The following SLC36A1 variants were observed in gnomAD, a reference collection of about 807,000 sequenced individuals.
The protein encoded by SLC36A1 is solute carrier family 36 member 1, also known as proton-coupled amino acid transporter 1.
A neutral mutation model predicts 47.5 loss-of-function variants in SLC36A1; 30 were observed. The ratio of observed to expected loss-of-function variants is 0.63; its 90% CI spans 0.47 to 0.86. The LOEUF (loss-of-function observed/expected upper bound fraction) is 0.86. Among genes scored for constraint, SLC36A1 ranks in the 40% least tolerant of loss-of-function variants. The pLI is 0.00. For synonymous variants in SLC36A1, 255 were observed against 249.7 expected (o/e 1.02, Z -0.20); for missense variants, 517 against 606.0 (o/e 0.85, Z 1.54).
chr5:151,534,970 A>AATATATATATATATAT, the SLC36A1 span, among the ~76,000 whole-genome samples: 1,107 of 106,220 alleles, frequency 0.01, 34 homozygotes, highest in African/African-American at 0.026. Flanking sequence ...CTTCTAGGAA[A>AATATATATATATATAT]ATATATATAT....
In SLC36A1 at chr5:151,453,207, A is replaced by G. The variant is rs11950575; in HGVS notation, c.-6+5394A>G. Among the ~76,000 whole-genome samples the G allele has an allele frequency of 3.2e-3, 490 of 151,970 alleles. 4 individuals are homozygous for G. Among genetic ancestry groups the G allele is most frequent in the African/African-American group, 0.012 (477 of 41,382 alleles). The stretch of plus-strand genomic sequence containing the variant: ...CAACAAGAATGAAACTCCATCTCCA[A>G]TAAATAAATTAAAATAAATAAATAA... On this transcript the variant is annotated intron_variant, in intron 1 of 10. Coordinates refer to ENST00000243389, the MANE Select transcript of SLC36A1 (RefSeq NM_078483.4).
chr5:151,404,991 A>G, the SLC36A1 span, among the ~76,000 whole-genome samples: 14 of 152,210 alleles, frequency 9.2e-5, no homozygotes, highest in South Asian at 1.0e-3. Context: ...ATGTTTTCCA[A>G]GTTGCATACT....
chr5:151,379,144 G>A, the SLC36A1 span, among the ~76,000 whole-genome samples: 1 of 152,174 alleles, frequency 6.6e-6, no homozygotes, highest in African/African-American at 2.4e-5. Flanking sequence ...ATGTCCTTAA[G>A]CCTATAGTCT....
At chr5:151,498,156 G>C in the SLC36A1 span, among the ~76,000 whole-genome samples, 1 of 152,012 alleles carries the variant, frequency 6.6e-6, no homozygotes, top group Admixed American at 6.6e-5. Flanking sequence ...TGTTGGCCAG[G>C]CTGGTCTCGA....
At chr5:151,521,371 ACT>A in the SLC36A1 span, 1 of 1,614,072 alleles carries the variant, frequency 6.2e-7, no homozygotes, top group Non-Finnish European at 8.5e-7. Flanking sequence ...GTCCAGATGC[ACT>A]GTGTTATGGC....
chr5:151,503,411 A>G, the SLC36A1 span, among the ~76,000 whole-genome samples: 3 of 148,326 alleles, frequency 2.0e-5, no homozygotes, highest in South Asian at 6.2e-4. Context: ...TGAGAGGCCA[A>G]GTCATATCTG....
At chr5:151,442,863 A>G (rs1001013137), upstream of SLC36A1, among the ~76,000 whole-genome samples, 4 of 152,136 alleles carry the variant, frequency 2.6e-5, no homozygotes, top group African/African-American at 9.7e-5. Context: ...TGACTTGAAA[A>G]AAAAGATTCC....
the SLC36A1 span, among the ~76,000 whole-genome samples, chr5:151,500,954 G>GCGGGGCC: frequency 6.6e-6 from 1 of 152,200 alleles, no homozygotes; most frequent in Non-Finnish European, 1.5e-5. Flanking sequence ...AAAGGAGAAG[G>GCGGGGCC]CGGGGCCTGG....
chr5:151,509,818 G>T, the SLC36A1 span: 4 of 591,340 alleles, frequency 6.8e-6, no homozygotes, highest in South Asian at 2.6e-5. Flanking sequence ...TCTCCTGCCT[G>T]GTCCGTGGAA....
chr5:151,387,022 G>A, the SLC36A1 span: 75,423 of 152,122 alleles, frequency 0.5, 20,730 homozygotes, highest in African/African-American at 0.75. Flanking sequence ...GGGCCTGGTG[G>A]AGGGACAGAA....
At chr5:151,403,178 T>G in the SLC36A1 span, among the ~76,000 whole-genome samples, 1 of 152,222 alleles carries the variant, frequency 6.6e-6, no homozygotes, top group East Asian at 1.9e-4. Context: ...CTGCTTTTGC[T>G]GCACCCCAGA....
At chr5:151,377,598 C>T in the SLC36A1 span, among the ~76,000 whole-genome samples, 1 of 151,874 alleles carries the variant, frequency 6.6e-6, no homozygotes, top group Non-Finnish European at 1.5e-5. Context: ...CCGCCCGTCT[C>T]GGCCTCCCAA....
At chr5:151,479,201 C>T (rs1286400224) in intron 9 of SLC36A1, 119 bp from the exon 10 acceptor site, 1 of 1,057,998 alleles carries the variant, frequency 9.5e-7, no homozygotes, top group Non-Finnish European at 1.4e-6. Context: ...GTCCGAAGGA[C>T]ATGTGGGTTT....
the SLC36A1 span, among the ~76,000 whole-genome samples, chr5:151,427,472 C>T: frequency 6.6e-6 from 1 of 152,188 alleles, no homozygotes; most frequent in Non-Finnish European, 1.5e-5. Context: ...TGTCCTGAGT[C>T]GCAGCTCCCT....
At chr5:151,401,260 C>T in the SLC36A1 span, among the ~76,000 whole-genome samples, 1 of 152,112 alleles carries the variant, frequency 6.6e-6, no homozygotes, top group South Asian at 2.1e-4. Context: ...TATCCCAGCA[C>T]CTCTTATTTA....
the SLC36A1 span, among the ~76,000 whole-genome samples, chr5:151,515,857 G>T: frequency 6.6e-6 from 1 of 152,126 alleles, no homozygotes; most frequent in South Asian, 2.1e-4. Flanking sequence ...TTTTAAAATA[G>T]ATCATTGCAA....
At chr5:151,528,561 G>C in the SLC36A1 span, among the ~76,000 whole-genome samples, 13 of 152,270 alleles carry the variant, frequency 8.5e-5, no homozygotes, top group South Asian at 2.7e-3. Flanking sequence ...GCTGGAGCAG[G>C]CAATCCAGGA....
At chr5:151,547,075 AACTC>A in the SLC36A1 span, among the ~76,000 whole-genome samples, 3 of 152,204 alleles carry the variant, frequency 2.0e-5, no homozygotes, top group Non-Finnish European at 2.9e-5. Flanking sequence ...CCTTTAAATT[AACTC>A]ACTCAAATTT....
At chr5:151,464,450 T>C (rs1022623415) in intron 3 of SLC36A1, 64 bp from the exon 4 acceptor site, 6 of 1,396,972 alleles carry the variant, frequency 4.3e-6, no homozygotes, top group African/African-American at 1.4e-5. Context: ...TGAGTATCCA[T>C]TGGGTTCACT....
Sources: gnomAD v4.1 joint callset for allele counts (sites outside exome capture counted in the v4.1 genomes callset) on GRCh38, gnomAD v4.1.1 for gene constraint, MANE v1.5 for transcripts, NCBI Gene and HGNC (gene_info 2026-07-23, HGNC 2026-07-21) for gene names.